The following MBNL1 variants were observed in gnomAD, a reference collection of about 807,000 sequenced individuals.
MBNL1 encodes muscleblind-like protein 1.
MBNL1 carries 8 observed loss-of-function variants against 42.2 expected under a neutral mutation model. The observed-to-expected ratio is 0.19, with a 90% CI of 0.11 to 0.34. The LOEUF (loss-of-function observed/expected upper bound fraction) is 0.34, where lower values mean the gene tolerates loss of function less well. Among genes scored for constraint, MBNL1 ranks in the 10% least tolerant of loss-of-function variants. The pLI is 1.00. For missense variants in MBNL1, 309 were observed against 495.3 expected (o/e 0.62, Z 3.57); for synonymous variants, 169 against 173.9 (o/e 0.97, Z 0.22).
chr3:152,431,664 ACAG>A (rs2099008330), intron 3 of MBNL1, among the ~76,000 whole-genome samples: 1 of 152,154 alleles, frequency 6.6e-6, no homozygotes, highest in Admixed American at 6.5e-5. Context: ...ACCTTAAAGA[ACAG>A]CATCCGTTTT....
chr3:152,322,586 A>G (rs2152431092), intron 2 of MBNL1, among the ~76,000 whole-genome samples: 1 of 152,248 alleles, frequency 6.6e-6, no homozygotes, highest in Non-Finnish European at 1.5e-5. Flanking sequence ...GGGCTGGGAA[A>G]AAATGTCAGT....
chr3:152,385,404 C>G (rs1376818875), intron 2 of MBNL1, among the ~76,000 whole-genome samples: 1 of 151,984 alleles, frequency 6.6e-6, no homozygotes, highest in Non-Finnish European at 1.5e-5. Flanking sequence ...TCACTCTCCT[C>G]TTTCTTAACA....
Position 152,280,105 on chromosome 3 carries a change from T to G in MBNL1, c.-790+11013T>G, listed in dbSNP as rs149784467. 8.9e-3 allele frequency among the ~76,000 whole-genome samples: 1,350 copies of G among 152,280 alleles called. 27 individuals are homozygous for G. The highest frequency in any genetic ancestry group is 0.031 in the African/African-American group (1,280 of 41,558). ...AAAAGAAAGCATCCTTAATAGCAAA[T>G]ATTGATTGCAGTGCCAGTGTGCCAT... On this transcript the variant is annotated intron_variant, in intron 1 of 9. Coordinates refer to ENST00000324210, the MANE Select transcript of MBNL1 (RefSeq NM_021038.5).
upstream of MBNL1, chr3:152,264,255 G>A (rs949535720): frequency 1.3e-5 from 2 of 152,118 alleles, no homozygotes; most frequent in East Asian, 3.8e-4. Context: ...CCTAGAATAG[G>A]AGTTAGCCAT....
At chr3:152,396,598 G>T (rs1021553237) in intron 2 of MBNL1, among the ~76,000 whole-genome samples, 2 of 152,060 alleles carry the variant, frequency 1.3e-5, no homozygotes, top group African/African-American at 4.8e-5. Flanking sequence ...TCTTTCCTCT[G>T]CATTTTTTCC....
chr3:152,377,478 C>G (rs763838388), intron 2 of MBNL1, among the ~76,000 whole-genome samples: 3 of 152,136 alleles, frequency 2.0e-5, no homozygotes, highest in Non-Finnish European at 4.4e-5. Flanking sequence ...TGTATTATCT[C>G]TTATTTGGGG....
At chr3:152,434,840 T>C (rs1476017233) in intron 4 of MBNL1, among the ~76,000 whole-genome samples, 1 of 152,244 alleles carries the variant, frequency 6.6e-6, no homozygotes, top group African/African-American at 2.4e-5. Flanking sequence ...CACATGTATA[T>C]CTTTCTTTGA....
At chr3:152,257,104 A>G (rs779631947) in intron 2 of MBNL1, among the ~76,000 whole-genome samples, 3 of 152,188 alleles carry the variant, frequency 2.0e-5, no homozygotes, top group Non-Finnish European at 2.9e-5. Flanking sequence ...GATGACCACC[A>G]TACTATCGGA....
intron 1 of MBNL1, among the ~76,000 whole-genome samples, chr3:152,285,629 A>T (rs200704006): frequency 1.0e-4 from 13 of 128,970 alleles, no homozygotes; most frequent in Admixed American, 1.7e-4. Flanking sequence ...TTTTTTTTCA[A>T]TTTTTTTTTT....
intron 2 of MBNL1, among the ~76,000 whole-genome samples, chr3:152,362,990 G>GT (rs1421920540): frequency 6.6e-6 from 1 of 152,076 alleles, no homozygotes; most frequent in Non-Finnish European, 1.5e-5. Context: ...AAGTTTCCAT[G>GT]TTTTTAAAAT....
intron 3 of MBNL1, among the ~76,000 whole-genome samples, chr3:152,426,199 G>T (rs1400971829): frequency 2.0e-5 from 3 of 151,790 alleles, no homozygotes; most frequent in Non-Finnish European, 2.9e-5. Context: ...GCCTCCTGGG[G>T]GTTGTGGGGC....
At chr3:152,295,891 A>G (rs950752497) in intron 1 of MBNL1, among the ~76,000 whole-genome samples, 2 of 152,224 alleles carry the variant, frequency 1.3e-5, no homozygotes, top group Non-Finnish European at 2.9e-5. Context: ...TACAGCACTG[A>G]GAGAAGCAAC....
rs111644138 is a variant in MBNL1 at position 152,342,553 on chromosome 3, A to AACACACACACACAC, written c.174+42207_174+42220dup. On this transcript the variant is annotated intron_variant, in intron 2 of 9. Transcript: ENST00000324210. The stretch of plus-strand genomic sequence containing the variant: ...TCTGTCTTACTGGGAAACTAAACAA[A>AACACACACACACAC]ACACACACACACACACACACACACA... Among the ~76,000 whole-genome samples the AACACACACACACAC allele has an allele frequency of 7.4e-3, 1,082 of 146,068 alleles. 9 individuals are homozygous for AACACACACACACAC. The highest frequency in any genetic ancestry group is 0.021 in the African/African-American group (831 of 38,938).
At chr3:152,322,144 A>G (rs1296794682) in intron 2 of MBNL1, among the ~76,000 whole-genome samples, 2 of 152,126 alleles carry the variant, frequency 1.3e-5, no homozygotes, top group African/African-American at 4.8e-5. Flanking sequence ...TACTCCTAAT[A>G]TAGACCATTG....
In MBNL1 at chr3:152,250,373, T is replaced by C. The variant is rs539373802; in HGVS notation, n.333+5933T>C. ...TGGATTCCTAAGTATTTTATTCTCTTTGAAGCAATTGTGAATGGGAGTTCA... is the reference window on the plus strand; with the variant it reads ...TGGATTCCTAAGTATTTTATTCTCTCTGAAGCAATTGTGAATGGGAGTTCA... On this transcript the variant is annotated intron_variant and non_coding_transcript_variant, in intron 2 of 2. Coordinates refer to the MBNL1 transcript ENST00000477171. Among the ~76,000 whole-genome samples the C allele has an allele frequency of 5.3e-5, 8 of 151,640 alleles. No individual in the cohort carries two copies. The South Asian group carries it at 1.7e-3, about 32-fold the overall frequency.
intron 1 of MBNL1, among the ~76,000 whole-genome samples, chr3:152,281,439 T>C (rs2048409703): frequency 6.6e-6 from 1 of 152,026 alleles, no homozygotes; most frequent in African/African-American, 2.4e-5. Context: ...TTTTAAGCAT[T>C]ATGGTCATGA....
chr3:152,247,421 T>C (rs566814755), intron 2 of MBNL1, among the ~76,000 whole-genome samples: 2 of 152,116 alleles, frequency 1.3e-5, no homozygotes, highest in African/African-American at 4.8e-5. Flanking sequence ...CTCTGTATGA[T>C]AAAATATGTA....
At chr3:152,454,837 C>A (rs574433173) in intron 6 of MBNL1, among the ~76,000 whole-genome samples, 2 of 152,128 alleles carry the variant, frequency 1.3e-5, no homozygotes, top group Non-Finnish European at 2.9e-5. Context: ...CAATTTGATA[C>A]TTATAAGAAA....
chr3:152,280,045 A>G (rs1306013889), intron 1 of MBNL1, among the ~76,000 whole-genome samples: 1 of 152,174 alleles, frequency 6.6e-6, no homozygotes, highest in Non-Finnish European at 1.5e-5. Flanking sequence ...AGAAAAATTT[A>G]TTTATATAAA....
Sources: allele counts gnomAD v4.1 joint callset (sites outside exome capture counted in the v4.1 genomes callset), GRCh38; gene constraint gnomAD v4.1.1; transcripts MANE v1.5; gene names NCBI Gene and HGNC (gene_info 2026-07-23, HGNC 2026-07-21).